CADM2: variants seen among roughly 807,000 people sequenced by gnomAD.
CADM2 encodes the protein immunoglobulin superfamily member 4D.
In CADM2, 12 loss-of-function variants were observed where a neutral mutation model predicts 49.8. That is an observed-to-expected ratio of 0.24 (90% CI 0.15 to 0.39). CADM2 has a LOEUF of 0.39. Among genes scored for constraint, CADM2 ranks in the 10% least tolerant of loss-of-function variants. CADM2 has a pLI of 1.00. For synonymous variants in CADM2, 214 were observed against 175.4 expected (o/e 1.22, Z -1.74); for missense variants, 378 against 492.3 (o/e 0.77, Z 2.20).
intron 1 of CADM2, among the ~76,000 whole-genome samples, chr3:85,079,777 C>T (rs959259535): frequency 4.0e-5 from 6 of 151,834 alleles, no homozygotes; most frequent in Admixed American, 6.6e-5. Context: ...ATTAAAATAC[C>T]TTTAAATTTT....
intron 1 of CADM2, among the ~76,000 whole-genome samples, chr3:85,634,225 C>T (rs2064393139): frequency 1.3e-5 from 2 of 151,976 alleles, no homozygotes; most frequent in Non-Finnish European, 2.9e-5. Flanking sequence ...TGCTACTACT[C>T]TTCCACAGAT....
In CADM2 at chr3:86,066,658, T is replaced by C; in HGVS notation, c.1097-7T>C. 1 of 1,585,808 alleles carries C rather than the reference T, an allele frequency of 6.3e-7. No homozygotes were observed. The highest frequency in any genetic ancestry group is 8.7e-7 in the Non-Finnish European group (1 of 1,154,462). On this transcript the variant is annotated splice_polypyrimidine_tract_variant and splice_region_variant and intron_variant, in intron 9 of 9. Coordinates refer to ENST00000383699, the MANE Select transcript of CADM2 (RefSeq NM_001167675.2). Reference sequence around the variant, plus strand: ...GAGCTAACATATTTTTCTTCCAATATATGCAGGAACGTATTTAACAAATGA... The same window carrying C: ...GAGCTAACATATTTTTCTTCCAATACATGCAGGAACGTATTTAACAAATGA...
chr3:85,674,144 G>C (rs1463533186), intron 1 of CADM2, among the ~76,000 whole-genome samples: 1 of 152,000 alleles, frequency 6.6e-6, no homozygotes, highest in Admixed American at 6.6e-5. Flanking sequence ...AGGTCTGACA[G>C]ATATTAGTTA....
intron 1 of CADM2, among the ~76,000 whole-genome samples, chr3:85,269,264 C>T (rs562362587): frequency 2.7e-4 from 41 of 151,470 alleles, no homozygotes; most frequent in Middle Eastern, 6.8e-3. Flanking sequence ...CACCAAATGT[C>T]ACGGAATTAT....
At chr3:85,424,013 C>G (rs1474419049) in intron 1 of CADM2, among the ~76,000 whole-genome samples, 1 of 152,136 alleles carries the variant, frequency 6.6e-6, no homozygotes, top group Non-Finnish European at 1.5e-5. Context: ...AAGAGTAAAT[C>G]TGCATTGCCA....
At chr3:86,028,683 C>T (rs1452665230) in intron 8 of CADM2, among the ~76,000 whole-genome samples, 1 of 152,024 alleles carries the variant, frequency 6.6e-6, no homozygotes, top group Non-Finnish European at 1.5e-5. Context: ...AGATTGAAAA[C>T]AACTGCTTTA....
At chr3:85,380,644 T>A (rs1218983820) in intron 1 of CADM2, among the ~76,000 whole-genome samples, 1 of 151,976 alleles carries the variant, frequency 6.6e-6, no homozygotes, top group African/African-American at 2.4e-5. Context: ...GTTTATCCAA[T>A]TAAATGACAA....
At chr3:86,041,461 G>A (rs1281948539) in intron 8 of CADM2, among the ~76,000 whole-genome samples, 21 of 152,056 alleles carry the variant, frequency 1.4e-4, no homozygotes, top group South Asian at 4.2e-4. Flanking sequence ...ACTTTAAACC[G>A]ACAAAGATCA....
intron 1 of CADM2, among the ~76,000 whole-genome samples, chr3:85,251,577 G>C (rs1250023855): frequency 1.3e-5 from 2 of 151,848 alleles, no homozygotes; most frequent in Non-Finnish European, 2.9e-5. Flanking sequence ...ATTTTGAAGA[G>C]TCTTAAAGAT....
chr3:85,601,935 G>C (rs1433360360), intron 1 of CADM2, among the ~76,000 whole-genome samples: 2 of 151,690 alleles, frequency 1.3e-5, no homozygotes, highest in African/African-American at 2.4e-5. Flanking sequence ...TAGATGCAAA[G>C]TCAGCTGAAA....
intron 3 of CADM2, among the ~76,000 whole-genome samples, chr3:85,881,264 G>A (rs541920111): frequency 7.2e-4 from 109 of 151,832 alleles, no homozygotes; most frequent in Non-Finnish European, 1.4e-3. Context: ...CATTTTTCAT[G>A]CTAAGGTTTT....
chr3:85,905,861 G>A lies in CADM2; in HGVS notation c.530-6512G>A, dbSNP rs191613781. 6.1e-3 allele frequency among the ~76,000 whole-genome samples: 932 copies of A among 152,194 alleles called. 5 individuals are homozygous for A. Among genetic ancestry groups the A allele is most frequent in the Middle Eastern group, 0.01 (3 of 294 alleles). On this transcript the variant is annotated intron_variant, in intron 5 of 9. Transcript: ENST00000383699. ...GTAGTACATGGTACATAGAAATATT[G>A]TAATATATTCAGAAACTTATCATTT...
At chr3:86,011,250 A>G (rs1312155751) in intron 8 of CADM2, among the ~76,000 whole-genome samples, 1 of 152,128 alleles carries the variant, frequency 6.6e-6, no homozygotes, top group East Asian at 1.9e-4. Context: ...AATACTAGCA[A>G]ATAATATACA....
chr3:85,479,949 C>T, intron 1 of CADM2, among the ~76,000 whole-genome samples: 1 of 151,814 alleles, frequency 6.6e-6, no homozygotes, highest in East Asian at 1.9e-4. Flanking sequence ...TACCACGTAA[C>T]TTTCTGGTGG....
At chr3:85,177,449 G>A (rs1453002346) in intron 1 of CADM2, among the ~76,000 whole-genome samples, 1 of 151,690 alleles carries the variant, frequency 6.6e-6, no homozygotes, top group Non-Finnish European at 1.5e-5. Context: ...CACTTTTATA[G>A]CAAACCCTAT....
chr3:85,998,394 T>C (rs921314241), intron 8 of CADM2, among the ~76,000 whole-genome samples: 10 of 152,138 alleles, frequency 6.6e-5, no homozygotes, highest in Non-Finnish European at 1.3e-4. Context: ...TCCTTAAATA[T>C]GATTTTTATT....
chr3:85,807,104 T>C (rs1298991030), intron 3 of CADM2, among the ~76,000 whole-genome samples: 2 of 152,222 alleles, frequency 1.3e-5, no homozygotes, highest in African/African-American at 4.8e-5. Context: ...GGACGCCATG[T>C]CATTTTAAAT....
At chr3:85,021,827 T>C (rs565525717) in intron 1 of CADM2, among the ~76,000 whole-genome samples, 1 of 152,126 alleles carries the variant, frequency 6.6e-6, no homozygotes, top group South Asian at 2.1e-4. Context: ...GAGGAAAACA[T>C]TGTTATCATC....
At chr3:85,400,990 A>C (rs2035079303) in intron 1 of CADM2, among the ~76,000 whole-genome samples, 1 of 152,176 alleles carries the variant, frequency 6.6e-6, no homozygotes, top group Admixed American at 6.5e-5. Flanking sequence ...TGCTGCCTCC[A>C]ACCCACAACA....
Sources: gnomAD v4.1 joint callset for allele counts (sites outside exome capture counted in the v4.1 genomes callset) on GRCh38, gnomAD v4.1.1 for gene constraint, MANE v1.5 for transcripts, NCBI Gene and HGNC (gene_info 2026-07-23, HGNC 2026-07-21) for gene names.